Variants in AMD1 observed in about 807,000 individuals in gnomAD.
AMD1 encodes S-adenosylmethionine decarboxylase proenzyme.
A neutral mutation model predicts 40.2 loss-of-function variants in AMD1; 11 were observed. That is an observed-to-expected ratio of 0.27 (90% CI 0.17 to 0.45). AMD1 has a LOEUF of 0.45. AMD1 is among the 20% of genes least tolerant of loss of function. AMD1 has a pLI of 1.00. For synonymous variants in AMD1, 121 were observed against 130.8 expected (o/e 0.93, Z 0.51); for missense variants, 257 against 410.2 (o/e 0.63, Z 3.23).
the AMD1 span, chr6:110,815,338 T>A: frequency 2.7e-6 from 1 of 369,298 alleles, no homozygotes; most frequent in Non-Finnish European, 4.6e-6. Context: ...CTCCACCTCT[T>A]CCTCCTCCTC....
the AMD1 span, among the ~76,000 whole-genome samples, chr6:110,842,596 A>G: frequency 6.6e-6 from 1 of 152,202 alleles, no homozygotes; most frequent in Non-Finnish European, 1.5e-5. Flanking sequence ...TAGTAGTAGT[A>G]GTCGTTTTCT....
chr6:110,878,512 G>A (rs189053666), intron 1 of AMD1, among the ~76,000 whole-genome samples: 218 of 152,294 alleles, frequency 1.4e-3, no homozygotes, highest in Middle Eastern at 0.01. Context: ...TTGGAGAAAA[G>A]CAGCAGTCCA....
At chr6:110,814,800 G>C in the AMD1 span, 15 of 695,186 alleles carry the variant, frequency 2.2e-5, no homozygotes, top group African/African-American at 1.5e-4. Context: ...ACCGGGCTGC[G>C]CCGCGGGAGT....
chr6:110,875,535 C>G (rs998963461), intron 1 of AMD1: 7 of 236,554 alleles, frequency 3.0e-5, no homozygotes, highest in Admixed American at 1.1e-4. Flanking sequence ...TTTTGCGGCC[C>G]GCGCCTCCCG....
Position 110,878,828 on chromosome 6 carries a change from A to G in AMD1, c.110+3613A>G, listed in dbSNP as rs541152640. On this transcript the variant is annotated intron_variant, in intron 1 of 8. Transcript: ENST00000368885. ...GTGCTTTACTCAGATTTTATAAACT[A>G]AAACATAATTTTTAGTAAAGGATTG... Among the ~76,000 whole-genome samples, 92 of 152,300 alleles carry G rather than the reference A, an allele frequency of 6.0e-4. 1 individual carries two copies. Among genetic ancestry groups the G allele is most frequent in the Non-Finnish European group, 7.1e-4 (48 of 68,016 alleles).
intron 1 of AMD1, among the ~76,000 whole-genome samples, chr6:110,876,654 A>G (rs919610167): frequency 7.2e-5 from 11 of 152,094 alleles, no homozygotes; most frequent in African/African-American, 2.2e-4. Context: ...AAATGTCTAT[A>G]GCGCTTACTA....
At chr6:110,845,142 A>AG in the AMD1 span, among the ~76,000 whole-genome samples, 1 of 128,056 alleles carries the variant, frequency 7.8e-6, no homozygotes, top group Non-Finnish European at 1.6e-5. Flanking sequence ...CAGGTTCAAG[A>AG]GATCTCCTGC....
chr6:110,857,446 C>A, the AMD1 span, among the ~76,000 whole-genome samples: 1 of 151,240 alleles, frequency 6.6e-6, no homozygotes, highest in Admixed American at 6.6e-5. Flanking sequence ...GCAGGAGAAT[C>A]GCTTGAACCT....
At chr6:110,815,168 G>C in the AMD1 span, 3 of 1,556,902 alleles carry the variant, frequency 1.9e-6, no homozygotes, top group Non-Finnish European at 8.7e-7. Flanking sequence ...CACGGGACGC[G>C]GGGGCCGCCG....
the AMD1 span, among the ~76,000 whole-genome samples, chr6:110,828,414 C>T: frequency 6.8e-6 from 1 of 147,160 alleles, no homozygotes; most frequent in African/African-American, 2.5e-5. Flanking sequence ...GCCTGGGGGA[C>T]AAGAGTGGAA....
At chr6:110,873,139 C>T (rs1562331988), upstream of AMD1, among the ~76,000 whole-genome samples, 2 of 152,158 alleles carry the variant, frequency 1.3e-5, no homozygotes, top group African/African-American at 4.8e-5. Context: ...CCGAAGTGGG[C>T]AGATCACCTG....
intron 3 of AMD1, 158 bp from the exon 4 acceptor site, chr6:110,890,096 G>A (rs887039941): frequency 1.8e-6 from 1 of 552,662 alleles, no homozygotes; most frequent in South Asian, 2.4e-5. Context: ...TCCTAATAGC[G>A]AGACTACAGG....
chr6:110,892,265 T>G (rs1427355771), intron 5 of AMD1, 34 bp from the exon 6 acceptor site: 2 of 1,613,594 alleles, frequency 1.2e-6, no homozygotes, highest in Admixed American at 3.3e-5. Context: ...CTGCCAATTG[T>G]CATTTTTAGG....
the AMD1 span, among the ~76,000 whole-genome samples, chr6:110,824,879 A>G: frequency 6.6e-6 from 1 of 152,148 alleles, no homozygotes; most frequent in Non-Finnish European, 1.5e-5. Flanking sequence ...TAGCTGCCCT[A>G]TGAGGAAGGT....
the AMD1 span, among the ~76,000 whole-genome samples, chr6:110,819,006 C>G: frequency 6.6e-6 from 1 of 152,118 alleles, no homozygotes; most frequent in Admixed American, 6.6e-5. Flanking sequence ...CAAAAGTGTT[C>G]AGGTTCAATT....
the AMD1 span, among the ~76,000 whole-genome samples, chr6:110,865,191 G>C: frequency 2.0e-5 from 3 of 152,158 alleles, no homozygotes; most frequent in Non-Finnish European, 4.4e-5. Flanking sequence ...TCTTTTCCTA[G>C]TGTCAAGCAT....
At chr6:110,819,775 C>T in the AMD1 span, among the ~76,000 whole-genome samples, 1 of 152,096 alleles carries the variant, frequency 6.6e-6, no homozygotes, top group Non-Finnish European at 1.5e-5. Flanking sequence ...AAATAGGAAG[C>T]CTGCACAAGA....
chr6:110,887,488 T>G lies in AMD1; in HGVS notation c.111-17T>G, dbSNP rs375833413. On this transcript the variant is annotated splice_polypyrimidine_tract_variant and intron_variant, in intron 1 of 8. Coordinates refer to ENST00000368885, the MANE Select transcript of AMD1 (RefSeq NM_001634.6). ...GTACTATTGTGGATTAATCGTAACT[T>G]TTTTGTTAAATGATAGATCTGAGTG... 10 of 1,587,108 alleles carry G rather than the reference T, an allele frequency of 6.3e-6. No individual in the cohort carries two copies. Among genetic ancestry groups the G allele is most frequent in the Non-Finnish European group, 8.6e-6 (10 of 1,167,632 alleles).
At chr6:110,814,774 G>C in the AMD1 span, 2 of 662,858 alleles carry the variant, frequency 3.0e-6, no homozygotes, top group South Asian at 1.5e-5. Context: ...CCTCTGGGAC[G>C]GGACCGACGC....
Sources: gnomAD v4.1 joint callset for allele counts (sites outside exome capture counted in the v4.1 genomes callset) on GRCh38, gnomAD v4.1.1 for gene constraint, MANE v1.5 for transcripts, NCBI Gene and HGNC (gene_info 2026-07-23, HGNC 2026-07-21) for gene names.